ATP11A: variants seen among roughly 807,000 people sequenced by gnomAD.
ATP11A encodes the protein phospholipid-transporting ATPase IH.
A neutral mutation model predicts 154.4 loss-of-function variants in ATP11A; 81 were observed. The ratio of observed to expected loss-of-function variants is 0.52; its 90% CI spans 0.44 to 0.63. The LOEUF (loss-of-function observed/expected upper bound fraction) is 0.63, where lower values mean the gene tolerates loss of function less well. Ranked by LOEUF, ATP11A falls within the 30% of genes least tolerant of loss-of-function variation. The pLI, the probability that ATP11A is intolerant of heterozygous loss-of-function variation, is 0.00. For synonymous variants in ATP11A, 623 were observed against 585.9 expected, an observed-to-expected ratio of 1.06 and a Z score of -0.91; for missense variants, 1,316 against 1,474.3, an observed-to-expected ratio of 0.89 and a Z score of 1.76.
In ATP11A at chr13:112,690,876, G is replaced by A. The variant is rs527874291; in HGVS notation, c.39+421G>A. Reference sequence around the variant, plus strand: ...TCAGATGCGGCTTCCGCGCAGCCGTGTCTGTAAGATTAAGGGATTGGGAGG... The same window carrying A: ...TCAGATGCGGCTTCCGCGCAGCCGTATCTGTAAGATTAAGGGATTGGGAGG... On this transcript the variant is annotated intron_variant, in intron 1 of 29. Coordinates refer to ENST00000375645, the MANE Select transcript of ATP11A (RefSeq NM_015205.3). The surrounding 1 kb of genome is among the most constrained non-coding windows in gnomAD (Gnocchi z 5.6). Among the ~76,000 whole-genome samples the A allele has an allele frequency of 6.6e-6, 1 of 152,360 alleles. No homozygotes were observed. Among genetic ancestry groups the A allele is most frequent in the South Asian group, 2.1e-4 (1 of 4,832 alleles).
At position 112,825,662 on chromosome 13, in the gene ATP11A, C is replaced by T. The variant is rs559034428; in HGVS notation, c.1023+82C>T. Reference sequence around the variant, plus strand: ...AAAATGTGGTGCAAGAAAAAGATGACGGTGAATTTACTGTAGGCAAAAAGC... The same window carrying T: ...AAAATGTGGTGCAAGAAAAAGATGATGGTGAATTTACTGTAGGCAAAAAGC... On this transcript the variant is annotated intron_variant, in intron 11 of 29. Transcript: ENST00000375645. 1.8e-5 allele frequency: 26 copies of T among 1,463,322 alleles called. No homozygotes were observed. In the Middle Eastern group the frequency reaches 7.6e-4, roughly 43 times the overall value. The allele number at this position is 1,463,322 out of a possible 1,614,324, so 90.6% of individuals were successfully genotyped here.
chr13:112,756,284 A>G (rs2076830970), intron 1 of ATP11A, among the ~76,000 whole-genome samples: 1 of 152,198 alleles, frequency 6.6e-6, no homozygotes, highest in African/African-American at 2.4e-5. Context: ...TCTGACCCCA[A>G]ATAACTAAGG....
rs1387345201 is a variant in ATP11A, at chr13:112,881,358, G to A, written c.*10-518G>A. ...AGGGGATGCAAGCTGGGCACGTCCA[G>A]TACTAAATCAACCCGGTCCCTGTGG... is the stretch of plus-strand genomic sequence containing the variant. On this transcript the variant is annotated intron_variant, in intron 29 of 29. Coordinates refer to ENST00000375645, the MANE Select transcript of ATP11A (RefSeq NM_015205.3). 10 of 1,035,372 alleles carry A rather than the reference G, an allele frequency of 9.7e-6. No individual in the cohort carries two copies. The African/African-American group carries it at 1.4e-4, about 14-fold the overall frequency. The allele number at this position is 1,035,372 out of a possible 1,614,324, so 64.1% of individuals were successfully genotyped here. A position where few individuals can be genotyped will look rare whatever the true frequency, so the allele number is the denominator to read the frequency against.
intron 15 of ATP11A, among the ~76,000 whole-genome samples, chr13:112,835,679 G>A (rs1009507826): frequency 5.3e-5 from 8 of 152,208 alleles, no homozygotes; most frequent in African/African-American, 1.7e-4. Flanking sequence ...GGGCAGCAGC[G>A]GGGGCTGCCA....
chr13:112,858,014 A>C, intron 21 of ATP11A, 94 bp downstream of exon 21: 1 of 1,558,318 alleles, frequency 6.4e-7, no homozygotes, highest in Non-Finnish European at 8.8e-7. Flanking sequence ...CATTCAGGAC[A>C]CCCCCGTCAC....
rs562087001 is a variant in ATP11A at position 112,703,422 on chromosome 13, T to A, written c.39+12967T>A. 5.3e-5 allele frequency: 8 copies of A among 152,348 alleles called. No homozygotes were observed. In the East Asian group the frequency reaches 1.2e-3, roughly 22 times the overall value. 9.4% of individuals were successfully genotyped at this position (152,348 alleles called of 1,614,324 possible). ...CTTCAATATGAGATTTTTGAGGGGA[T>A]CACAGTTCAGCCCACAGCAGTGTCC... On this transcript the variant is annotated intron_variant, in intron 1 of 29. Coordinates refer to ENST00000375645, the MANE Select transcript of ATP11A (RefSeq NM_015205.3).
chr13:112,869,142 AC>A (rs1953086519), intron 25 of ATP11A, among the ~76,000 whole-genome samples: 1 of 152,222 alleles, frequency 6.6e-6, no homozygotes, highest in African/African-American at 2.4e-5. Flanking sequence ...ACTTCAGGCC[AC>A]CAAGGGAATA....
intron 1 of ATP11A, among the ~76,000 whole-genome samples, chr13:112,739,604 C>A (rs576499402): frequency 1.3e-5 from 2 of 152,334 alleles, no homozygotes; most frequent in Admixed American, 1.3e-4. Context: ...ATATGCCCTG[C>A]AATTCCACGC....
chr13:112,734,136 CTG>C (rs1175279877), intron 1 of ATP11A, among the ~76,000 whole-genome samples: 1 of 152,182 alleles, frequency 6.6e-6, no homozygotes, highest in African/African-American at 2.4e-5. Context: ...GCTTCACTAA[CTG>C]TGCTGCTTCC....
intron 6 of ATP11A, among the ~76,000 whole-genome samples, chr13:112,818,293 CGAT>C (rs1309222355): frequency 6.8e-6 from 1 of 147,456 alleles, no homozygotes; most frequent in African/African-American, 2.5e-5. Context: ...TGGTGACAGG[CGAT>C]GACCGTTGGT....
chr13:112,783,898 C>T (rs1001150302), intron 1 of ATP11A, among the ~76,000 whole-genome samples: 12 of 152,188 alleles, frequency 7.9e-5, no homozygotes, highest in African/African-American at 2.7e-4. Context: ...CCGAGTAATA[C>T]AGAGATGGTC....
chr13:112,729,006 T>C (rs1890203443), intron 1 of ATP11A, among the ~76,000 whole-genome samples: 1 of 152,176 alleles, frequency 6.6e-6, no homozygotes, highest in Admixed American at 6.5e-5. Flanking sequence ...GGTTTTCACG[T>C]TGGCGACATT....
At chr13:112,773,204 TGCCC>T (rs1281038413) in intron 1 of ATP11A, among the ~76,000 whole-genome samples, 2 of 120,402 alleles carry the variant, frequency 1.7e-5, no homozygotes, top group African/African-American at 8.7e-5. Flanking sequence ...TGGCGCCTCC[TGCCC>T]TGCCCTGCCC....
At position 112,863,841 on chromosome 13, in the gene ATP11A, C is replaced by T. The variant is rs372592332; in HGVS notation, c.2991+1266C>T. Among the ~76,000 whole-genome samples, 11 of 71,702 alleles carry T rather than the reference C, an allele frequency of 1.5e-4. 1 individual carries two copies. The East Asian group carries it at 1.6e-3, about 11-fold the overall frequency. 47.0% of individuals were successfully genotyped at this position (71,702 alleles called of 152,430 possible). A position where few individuals can be genotyped will look rare whatever the true frequency, so the allele number is the denominator to read the frequency against. On this transcript the variant is annotated intron_variant, in intron 25 of 29. Transcript: ENST00000375645. Reference sequence around the variant, plus strand: ...TCTCAGCGGGGTCCATCACCACCTGCGCAGTAATTCAGTGCGGCCCATGCA... The same window carrying T: ...TCTCAGCGGGGTCCATCACCACCTGTGCAGTAATTCAGTGCGGCCCATGCA...
At position 112,785,800 on chromosome 13, in the gene ATP11A, C is replaced by T. The variant is rs1392941627; in HGVS notation, c.162+543C>T. Among the ~76,000 whole-genome samples the T allele has an allele frequency of 2.6e-5, 4 of 152,218 alleles. No homozygotes were observed. Among genetic ancestry groups the T allele is most frequent in the Admixed American group, 6.5e-5 (1 of 15,286 alleles). On this transcript the variant is annotated intron_variant, in intron 2 of 29. Transcript: ENST00000375645. This position sits in a 1 kb window ranked among gnomAD's most constrained non-coding sequence, Gnocchi z 4.8. Reference sequence around the variant, plus strand: ...GCGTGTTTCTCTCCATGGACTAGAGCGTGGAAGTGCACACACATTTCCCAC... The same window carrying T: ...GCGTGTTTCTCTCCATGGACTAGAGTGTGGAAGTGCACACACATTTCCCAC...
rs1236199854 is a variant in ATP11A at position 112,883,000 on chromosome 13, A to T, written c.*1134A>T. 3 of 397,646 alleles carry T rather than the reference A, an allele frequency of 7.5e-6. No homozygotes were observed. Among genetic ancestry groups the T allele is most frequent in the Non-Finnish European group, 1.3e-5 (3 of 226,220 alleles). The allele number at this position is 397,646 out of a possible 1,614,324, so 24.6% of individuals were successfully genotyped here. The stretch of plus-strand genomic sequence containing the variant: ...TCCGCCCGCCGGGCTCTGCGTCCCC[A>T]CGTCCCCTCGTCCCATCCCCACGTC... On this transcript the variant is annotated 3_prime_UTR_variant, in exon 30 of 30. Coordinates refer to ENST00000375645, the MANE Select transcript of ATP11A (RefSeq NM_015205.3). This position sits in a 1 kb window ranked among gnomAD's most constrained non-coding sequence, Gnocchi z 5.1.
chr13:112,691,355 T>A (rs1885147519), intron 1 of ATP11A, among the ~76,000 whole-genome samples: 1 of 150,750 alleles, frequency 6.6e-6, no homozygotes, highest in South Asian at 2.1e-4. Flanking sequence ...TCCCAGCTAC[T>A]CAGGAGGCTG....
At chr13:112,790,494 G>A (rs112460387) in intron 2 of ATP11A, among the ~76,000 whole-genome samples, 4 of 145,172 alleles carry the variant, frequency 2.8e-5, no homozygotes, top group East Asian at 2.1e-4. Context: ...AATTCACACC[G>A]GGTGTCCTGA....
At chr13:112,872,934 C>T (rs2080575374) in intron 26 of ATP11A, among the ~76,000 whole-genome samples, 1 of 149,680 alleles carries the variant, frequency 6.7e-6, no homozygotes, top group Non-Finnish European at 1.5e-5. Context: ...TGAGGTGTGG[C>T]TTTGTCTTCC....
Sources: gnomAD v4.1 joint callset for allele counts (sites outside exome capture counted in the v4.1 genomes callset) on GRCh38, gnomAD v4.1.1 for gene constraint, Gnocchi (gnomAD v3.1) non-coding constraint, MANE v1.5 for transcripts, NCBI Gene and HGNC (gene_info 2026-07-23, HGNC 2026-07-21) for gene names.